The following SLC25A26 variants were observed in gnomAD, a reference collection of about 807,000 sequenced individuals.
SLC25A26 encodes the protein mitochondrial S-adenosylmethionine carrier protein.
In SLC25A26, 36 loss-of-function variants were observed where a neutral mutation model predicts 37.8. The observed-to-expected ratio is 0.95, with a 90% CI of 0.73 to 1.26. The LOEUF (loss-of-function observed/expected upper bound fraction) is 1.26, where lower values mean the gene tolerates loss of function less well. Ranked by LOEUF, SLC25A26 falls within the 50% of genes most tolerant of loss-of-function variation. SLC25A26 has a pLI of 0.00. For synonymous variants in SLC25A26, 129 were observed against 122.5 expected (o/e 1.05, Z -0.35); for missense variants, 390 against 331.1 (o/e 1.18, Z -1.38).
At chr3:66,220,319 T>C (rs528481423), upstream of SLC25A26, among the ~76,000 whole-genome samples, 202 of 152,320 alleles carry the variant, frequency 1.3e-3, 1 homozygote, top group Non-Finnish European at 2.2e-3. Context: ...GCCCTTAATA[T>C]ATACAGAAGT....
At chr3:66,357,594 C>T (rs942980685) in intron 6 of SLC25A26, among the ~76,000 whole-genome samples, 1 of 152,004 alleles carries the variant, frequency 6.6e-6, no homozygotes, top group African/African-American at 2.4e-5. Flanking sequence ...CCTTAATGCC[C>T]CTCTCCTCCC....
intron 5 of SLC25A26, among the ~76,000 whole-genome samples, chr3:66,267,055 G>A (rs1442312146): frequency 1.3e-5 from 2 of 152,130 alleles, no homozygotes; most frequent in African/African-American, 4.8e-5. Flanking sequence ...GGCACTACAA[G>A]GAACATTTCT....
chr3:66,161,855 A>G (rs2070364209), intron 1 of SLC25A26, among the ~76,000 whole-genome samples: 1 of 152,182 alleles, frequency 6.6e-6, no homozygotes, highest in East Asian at 1.9e-4. Context: ...ACACACTAAG[A>G]TGAAGACAGA....
At chr3:66,306,462 GTTTTTC>G (rs1221704411) in intron 5 of SLC25A26, among the ~76,000 whole-genome samples, 15 of 151,936 alleles carry the variant, frequency 9.9e-5, no homozygotes, top group African/African-American at 3.4e-4. Context: ...TAATAGGGTT[GTTTTTC>G]TTTTTCTTGT....
chr3:66,337,698 C>T (rs928074415), intron 5 of SLC25A26, among the ~76,000 whole-genome samples: 8 of 151,890 alleles, frequency 5.3e-5, no homozygotes, highest in African/African-American at 1.9e-4. Context: ...TTTAATAATG[C>T]AAATGTAGTC....
At chr3:66,354,424 G>A (rs992209573) in intron 6 of SLC25A26, among the ~76,000 whole-genome samples, 3 of 152,088 alleles carry the variant, frequency 2.0e-5, no homozygotes, top group Non-Finnish European at 4.4e-5. Context: ...AGGGACCAAT[G>A]CATTATCACT....
intron 1 of SLC25A26, among the ~76,000 whole-genome samples, chr3:66,207,993 G>C (rs2071202718): frequency 6.6e-6 from 1 of 152,206 alleles, no homozygotes; most frequent in African/African-American, 2.4e-5. Flanking sequence ...TGCAAGCACA[G>C]TGTTCTCTAA....
rs930824172 is a variant in SLC25A26, at chr3:66,378,438, T to TGA, written c.*636_*637dup. 6.6e-6 allele frequency: 1 copy of TGA among 152,650 alleles called. No homozygotes were observed. Among genetic ancestry groups the TGA allele is most frequent in the African/African-American group, 2.4e-5 (1 of 41,436 alleles). 9.5% of individuals were successfully genotyped at this position (152,650 alleles called of 1,614,324 possible). ...TGTGTCCAGCGCCCCCTGTGGTGTGTGAGAGAAAGCAGCTGCAACTCAAGT... is the reference window on the plus strand; with the variant it reads ...TGTGTCCAGCGCCCCCTGTGGTGTGTGAGAGAGAAAGCAGCTGCAACTCAAGT... On this transcript the variant is annotated 3_prime_UTR_variant, in exon 10 of 10. Coordinates refer to ENST00000354883, the MANE Select transcript of SLC25A26 (RefSeq NM_001379210.1).
chr3:66,291,266 T>G (rs1335140729), intron 5 of SLC25A26, among the ~76,000 whole-genome samples: 6 of 152,166 alleles, frequency 3.9e-5, no homozygotes, highest in Admixed American at 3.9e-4. Flanking sequence ...CATCAGCTCC[T>G]AAATTAATTG....
chr3:66,247,368 A>T (rs1442381839), intron 3 of SLC25A26, among the ~76,000 whole-genome samples: 2 of 152,098 alleles, frequency 1.3e-5, no homozygotes, highest in Non-Finnish European at 2.9e-5. Flanking sequence ...AAGAGCAGTG[A>T]TGTGGTCATA....
At chr3:66,265,401 A>G (rs926891320) in intron 5 of SLC25A26, among the ~76,000 whole-genome samples, 1 of 152,236 alleles carries the variant, frequency 6.6e-6, no homozygotes, top group Non-Finnish European at 1.5e-5. Flanking sequence ...TCTAAGTTCA[A>G]AAGTTCGTTT....
intron 1 of SLC25A26, among the ~76,000 whole-genome samples, chr3:66,167,582 T>A (rs1343017812): frequency 6.6e-6 from 1 of 152,186 alleles, no homozygotes; most frequent in African/African-American, 2.4e-5. Flanking sequence ...ATAGTTATTA[T>A]AAGGGCCAAG....
intron 5 of SLC25A26, among the ~76,000 whole-genome samples, chr3:66,292,577 G>A (rs2074750299): frequency 6.6e-6 from 1 of 152,138 alleles, no homozygotes; most frequent in Non-Finnish European, 1.5e-5. Flanking sequence ...GGCTGGATTT[G>A]AAATTCTGGG....
intron 1 of SLC25A26, among the ~76,000 whole-genome samples, chr3:66,176,333 A>G (rs1014051666): frequency 6.6e-6 from 1 of 152,246 alleles, no homozygotes; most frequent in Non-Finnish European, 1.5e-5. Context: ...ATATAAGCAT[A>G]AAGAACTAGG....
intron 1 of SLC25A26, among the ~76,000 whole-genome samples, chr3:66,159,160 C>T (rs939558644): frequency 6.6e-5 from 10 of 152,096 alleles, no homozygotes; most frequent in African/African-American, 1.4e-4. Context: ...GGTCAGCAGG[C>T]GAGGGATGTG....
intron 1 of SLC25A26, among the ~76,000 whole-genome samples, chr3:66,193,281 G>T (rs1460927781): frequency 6.6e-6 from 1 of 152,044 alleles, no homozygotes; most frequent in African/African-American, 2.4e-5. Context: ...TATACCAAAA[G>T]AATAAAATTA....
At chr3:66,182,502 G>C (rs1278796478) in intron 1 of SLC25A26, among the ~76,000 whole-genome samples, 1 of 152,048 alleles carries the variant, frequency 6.6e-6, no homozygotes, top group Non-Finnish European at 1.5e-5. Flanking sequence ...TAAAAAGCTG[G>C]AAAACACTGT....
chr3:66,277,628 A>G (rs1413922488), intron 5 of SLC25A26, among the ~76,000 whole-genome samples: 2 of 152,128 alleles, frequency 1.3e-5, no homozygotes, highest in African/African-American at 4.8e-5. Flanking sequence ...TTTGTCATTT[A>G]TTTTAAAAAA....
intron 3 of SLC25A26, among the ~76,000 whole-genome samples, chr3:66,252,059 T>G (rs2073105989): frequency 6.6e-6 from 1 of 152,212 alleles, no homozygotes; most frequent in South Asian, 2.1e-4. Context: ...GGAGTGTAAC[T>G]TGGTCAGTTA....
Sources: allele counts gnomAD v4.1 joint callset (sites outside exome capture counted in the v4.1 genomes callset), GRCh38; gene constraint gnomAD v4.1.1; transcripts MANE v1.5; gene names NCBI Gene and HGNC (gene_info 2026-07-23, HGNC 2026-07-21).